GDPD5: variants seen among roughly 807,000 people sequenced by gnomAD.
GDPD5 encodes the protein glycerophosphodiester phosphodiesterase 2.
Under a neutral mutation model 75.1 loss-of-function variants are expected in GDPD5, and 48 were observed. The observed-to-expected ratio is 0.64, with a 90% CI of 0.51 to 0.81. GDPD5 has a LOEUF of 0.81. GDPD5 is among the 40% of genes least tolerant of loss of function. The probability of loss-of-function intolerance (pLI) is 0.00; values close to 1 mark genes in which losing one functional copy is unlikely to be tolerated. For synonymous variants in GDPD5, 336 were observed against 339.0 expected (o/e 0.99, Z 0.10); for missense variants, 706 against 822.6 (o/e 0.86, Z 1.73).
At chr11:75,442,652 A>C (rs919316967) in intron 11 of GDPD5, 71 bp from the exon 12 acceptor site, 2 of 1,406,436 alleles carry the variant, frequency 1.4e-6, no homozygotes, top group African/African-American at 1.4e-5. Flanking sequence ...CCCTTCTGGC[A>C]ACCAAGCGTG....
At chr11:75,511,073 C>G (rs1044605991) in intron 1 of GDPD5, among the ~76,000 whole-genome samples, 1 of 152,204 alleles carries the variant, frequency 6.6e-6, no homozygotes, top group African/African-American at 2.4e-5. Flanking sequence ...TTGGCATTTC[C>G]AAGTGCTGGC....
intron 6 of GDPD5, chr11:75,452,189 C>A (rs150482564): frequency 6.6e-6 from 1 of 152,342 alleles, no homozygotes; most frequent in African/African-American, 2.4e-5. Flanking sequence ...GGTATCTGGC[C>A]TCTGGGTTTT....
intron 1 of GDPD5, chr11:75,508,960 G>A (rs1231950057): frequency 6.6e-6 from 1 of 152,324 alleles, no homozygotes; most frequent in Non-Finnish European, 1.5e-5. Context: ...GGGTACCTGA[G>A]GCCCTGCTGA....
intron 1 of GDPD5, among the ~76,000 whole-genome samples, chr11:75,495,976 G>T (rs1352842252): frequency 6.6e-6 from 1 of 152,208 alleles, no homozygotes; most frequent in Non-Finnish European, 1.5e-5. Flanking sequence ...TGTGCATGGG[G>T]CTGTATTTCC....
intron 6 of GDPD5, among the ~76,000 whole-genome samples, chr11:75,456,161 G>A (rs963128851): frequency 6.6e-6 from 1 of 152,214 alleles, no homozygotes; most frequent in Non-Finnish European, 1.5e-5. Context: ...GACATGCTGG[G>A]AGAGCATGAG....
intron 10 of GDPD5, 104 bp from the exon 11 acceptor site, chr11:75,443,390 C>T (rs539424137): frequency 1.1e-4 from 143 of 1,356,908 alleles, no homozygotes; most frequent in Non-Finnish European, 1.3e-4. Context: ...CACAGGATCC[C>T]GGCTGGCTCT....
chr11:75,516,469 G>A (rs979531566), intron 1 of GDPD5, among the ~76,000 whole-genome samples: 1 of 152,214 alleles, frequency 6.6e-6, no homozygotes, highest in Non-Finnish European at 1.5e-5. Context: ...GTCTTCCTCT[G>A]TCCAGTCCTC....
At chr11:75,439,199 A>AG in intron 15 of GDPD5, 1 of 382,200 alleles carries the variant, frequency 2.6e-6, no homozygotes, top group Non-Finnish European at 5.4e-6. Flanking sequence ...GGGGTAAGGG[A>AG]GGCTTCAGGC....
At chr11:75,439,317 G>C in intron 15 of GDPD5, 2 of 456,244 alleles carry the variant, frequency 4.4e-6, no homozygotes, top group South Asian at 3.1e-5. Flanking sequence ...ACAGAAGGAG[G>C]AGGAAGACCA....
intron 3 of GDPD5, among the ~76,000 whole-genome samples, chr11:75,467,207 C>T (rs980614927): frequency 3.9e-5 from 6 of 152,224 alleles, no homozygotes; most frequent in Admixed American, 1.3e-4. Flanking sequence ...CCACTCAGCA[C>T]GTCACTTGGC....
At chr11:75,436,859 A>G in intron 16 of GDPD5, 77 bp downstream of exon 16, 2 of 1,071,890 alleles carry the variant, frequency 1.9e-6, no homozygotes, top group Non-Finnish European at 2.9e-6. Flanking sequence ...ATGTGTGTGC[A>G]TACACATCTG....
chr11:75,455,897 G>C (rs757795812), intron 6 of GDPD5, among the ~76,000 whole-genome samples: 1 of 152,238 alleles, frequency 6.6e-6, no homozygotes, highest in Non-Finnish European at 1.5e-5. Context: ...AGCCCTGAGG[G>C]GGGGCACTGG....
chr11:75,459,764 C>G (rs1313964974), intron 4 of GDPD5, among the ~76,000 whole-genome samples: 1 of 144,760 alleles, frequency 6.9e-6, no homozygotes, highest in Non-Finnish European at 1.5e-5. Flanking sequence ...GAGCTGAGAT[C>G]ATACCACTGC....
Position 75,442,599 on chromosome 11 carries a change from A to C in GDPD5, c.949-18T>G. The C allele has an allele frequency of 6.2e-7, 1 of 1,611,548 alleles. No homozygotes were observed. Among genetic ancestry groups the C allele is most frequent in the Non-Finnish European group, 8.5e-7 (1 of 1,178,140 alleles). On this transcript the variant is annotated intron_variant, in intron 11 of 16. Coordinates refer to ENST00000336898, the MANE Select transcript of GDPD5 (RefSeq NM_030792.8). The stretch of plus-strand genomic sequence containing the variant: ...GGGTCAGTCTGGCAGGGACAGGGAC[A>C]CACACATGGCTGCATCATCAGCCCT...
rs946323401 is a variant in GDPD5, at chr11:75,435,739, C to T, written c.1670-84G>A. 6 of 1,420,706 alleles carry T rather than the reference C, an allele frequency of 4.2e-6. No individual in the cohort carries two copies. The African/African-American group carries it at 7.0e-5, about 17-fold the overall frequency. 88.0% of individuals were successfully genotyped at this position (1,420,706 alleles called of 1,614,324 possible). On this transcript the variant is annotated intron_variant, in intron 16 of 16. Coordinates refer to ENST00000336898, the MANE Select transcript of GDPD5 (RefSeq NM_030792.8). ...TGACAGATGGGGCAGGAAGGCTGCA[C>T]CACCCAGCGGGGCACTTGGAGGCTG...
In GDPD5 at chr11:75,525,703, C is replaced by A. The variant is rs943402040; in HGVS notation, c.-638G>T. On this transcript the variant is annotated 5_prime_UTR_variant, in exon 1 of 17. Coordinates refer to ENST00000336898, the MANE Select transcript of GDPD5 (RefSeq NM_030792.8). ...GCTGGGACGGGCAGGGCAGGGCAGG[C>A]GCCGGCGGGGAGGCGCGGCGGCCGG... The A allele has an allele frequency of 6.6e-6, 1 of 151,214 alleles. No homozygotes were observed. The highest frequency in any genetic ancestry group is 1.5e-5 in the Non-Finnish European group (1 of 67,794). The allele number at this position is 151,214 out of a possible 1,614,324, so 9.4% of individuals were successfully genotyped here.
chr11:75,509,783 G>A (rs762594051), intron 1 of GDPD5, among the ~76,000 whole-genome samples: 1 of 152,116 alleles, frequency 6.6e-6, no homozygotes, highest in Non-Finnish European at 1.5e-5. Flanking sequence ...GGGTTCCAGC[G>A]ATTCTCCTGC....
At position 75,513,738 on chromosome 11, in the gene GDPD5, C is replaced by A. The variant is rs561693486; in HGVS notation, c.-145+11472G>T. On this transcript the variant is annotated intron_variant, in intron 1 of 16. Coordinates refer to ENST00000336898, the MANE Select transcript of GDPD5 (RefSeq NM_030792.8). ...CTTCCTCCCAGGGAAAGGGACCCAGCAATCCCAGGAGCCCCAGATGACCCC... is the reference window on the plus strand; with the variant it reads ...CTTCCTCCCAGGGAAAGGGACCCAGAAATCCCAGGAGCCCCAGATGACCCC... 1.5e-3 allele frequency among the ~76,000 whole-genome samples: 222 copies of A among 152,344 alleles called. 1 individual carries two copies. Among genetic ancestry groups the A allele is most frequent in the African/African-American group, 4.9e-3 (205 of 41,584 alleles).
chr11:75,494,502 T>C (rs1950175984), intron 1 of GDPD5, among the ~76,000 whole-genome samples: 1 of 152,134 alleles, frequency 6.6e-6, no homozygotes. Flanking sequence ...TGTAAGCCAC[T>C]GCATGTGGCC....
Sources: allele counts gnomAD v4.1 joint callset (sites outside exome capture counted in the v4.1 genomes callset), GRCh38; gene constraint gnomAD v4.1.1; transcripts MANE v1.5; gene names NCBI Gene and HGNC (gene_info 2026-07-23, HGNC 2026-07-21).